Variants in TMEM182 observed in about 807,000 individuals in gnomAD.
TMEM182 encodes the protein transmembrane protein 182.
A neutral mutation model predicts 26.8 loss-of-function variants in TMEM182; 20 were observed. That is an observed-to-expected ratio of 0.75 (90% CI 0.53 to 1.09). The LOEUF (loss-of-function observed/expected upper bound fraction) is 1.09, where lower values mean the gene tolerates loss of function less well. Ranked by LOEUF, TMEM182 falls within the 50% of genes least tolerant of loss-of-function variation. The pLI, the probability that TMEM182 is intolerant of heterozygous loss-of-function variation, is 0.00. For missense variants in TMEM182, 277 were observed against 275.5 expected (o/e 1.01, Z -0.04); for synonymous variants, 109 against 102.2 (o/e 1.07, Z -0.40).
chr2:102,795,496 G>A (rs1681831100), intron 3 of TMEM182, among the ~76,000 whole-genome samples: 1 of 152,146 alleles, frequency 6.6e-6, no homozygotes, highest in South Asian at 2.1e-4. Flanking sequence ...CCTTTCTTCT[G>A]TGGTGGCAGT....
At chr2:102,830,804 A>G (rs917184038) in intron 3 of TMEM182, among the ~76,000 whole-genome samples, 3 of 151,830 alleles carry the variant, frequency 2.0e-5, no homozygotes, top group African/African-American at 7.3e-5. Flanking sequence ...CTTTATAACT[A>G]TTTTTTTTCA....
intron 3 of TMEM182, among the ~76,000 whole-genome samples, chr2:102,780,723 G>A (rs774660786): frequency 2.6e-5 from 4 of 152,160 alleles, no homozygotes; most frequent in African/African-American, 4.8e-5. Context: ...GGGTGTGGAG[G>A]GGATGTGGTT....
Position 102,842,538 on chromosome 2 carries a change from G to A in TMEM182, c.326-874G>A, listed in dbSNP as rs111435611. Reference sequence around the variant, plus strand: ...CTAGATCCACAGGGTCAGAATTGTAGGGGGGCCCAGAATGGCATGGCACTA... The same window carrying A: ...CTAGATCCACAGGGTCAGAATTGTAAGGGGGCCCAGAATGGCATGGCACTA... On this transcript the variant is annotated intron_variant, in intron 3 of 3. Transcript: ENST00000486293. 9.6e-3 allele frequency among the ~76,000 whole-genome samples: 1,460 copies of A among 152,018 alleles called. 10 individuals carry two copies. The highest frequency in any genetic ancestry group is 0.016 in the Non-Finnish European group (1,054 of 67,976).
At chr2:102,781,266 G>T (rs1398137744) in intron 3 of TMEM182, among the ~76,000 whole-genome samples, 1 of 152,168 alleles carries the variant, frequency 6.6e-6, no homozygotes, top group East Asian at 1.9e-4. Context: ...AGTCATTAAT[G>T]ACTCTTTTTT....
rs1384228186 is a variant in TMEM182 at position 102,816,139 on chromosome 2, T to C, written c.*1171T>C. 2 of 985,350 alleles carry C rather than the reference T, an allele frequency of 2.0e-6. No individual in the cohort carries two copies. Among genetic ancestry groups the C allele is most frequent in the African/African-American group, 3.5e-5 (2 of 57,248 alleles). The allele number at this position is 985,350 out of a possible 1,614,324, so 61.0% of individuals were successfully genotyped here. ...TAGACATTTTGCATATCAAAGATGTTCATTTGGCACTAATGTTGATTGAAA... is the reference window on the plus strand; with the variant it reads ...TAGACATTTTGCATATCAAAGATGTCCATTTGGCACTAATGTTGATTGAAA... On this transcript the variant is annotated 3_prime_UTR_variant, in exon 5 of 5. Transcript: ENST00000412401.
In TMEM182 at chr2:102,798,185, C is replaced by T. The variant is rs188847641; in HGVS notation, c.469+185C>T. On this transcript the variant is annotated intron_variant, in intron 4 of 4. Transcript: ENST00000412401. ...TACTTCTTGAACACTAACTGTGTGT[C>T]GGACACTTTTCAGGGACTTTCCCTT... Among the ~76,000 whole-genome samples, 33 of 152,304 alleles carry T rather than the reference C, an allele frequency of 2.2e-4. No individual in the cohort carries two copies. In the Middle Eastern group the frequency reaches 0.017, roughly 78 times the overall value.
In TMEM182 at chr2:102,816,802, C is replaced by A. The variant is rs1682772422; in HGVS notation, c.*1834C>A. On this transcript the variant is annotated 3_prime_UTR_variant, in exon 5 of 5. Coordinates refer to ENST00000412401, the MANE Select transcript of TMEM182 (RefSeq NM_144632.5). Reference sequence around the variant, plus strand: ...GATTAGTTCATGTCATCTGTAAATACAATTCTTTTTTGTAGTACTTTGGAA... The same window carrying A: ...GATTAGTTCATGTCATCTGTAAATAAAATTCTTTTTTGTAGTACTTTGGAA... 1 of 985,634 alleles carries A rather than the reference C, an allele frequency of 1.0e-6. No homozygotes were observed. The highest frequency in any genetic ancestry group is 1.2e-6 in the Non-Finnish European group (1 of 829,918). The allele number at this position is 985,634 out of a possible 1,614,324, so 61.1% of individuals were successfully genotyped here.
chr2:102,755,402 G>A (rs1680001113), intron 1 of TMEM182, among the ~76,000 whole-genome samples: 1 of 152,124 alleles, frequency 6.6e-6, no homozygotes, highest in African/African-American at 2.4e-5. Flanking sequence ...GGAAGGCAGG[G>A]TGAAAGCTAG....
chr2:102,747,957 GT>G lies in TMEM182; in HGVS notation c.-82-10423del, dbSNP rs940374312. Among the ~76,000 whole-genome samples the G allele has an allele frequency of 2.6e-4, 40 of 151,260 alleles. 1 individual carries two copies. The highest frequency in any genetic ancestry group is 1.3e-3 in the South Asian group (6 of 4,774). On this transcript the variant is annotated intron_variant, in intron 1 of 5. Transcript: ENST00000409173. ...TATAAGACAGAAAGTGTGTGTGTGT[GT>G]TTTTTTTTCCTTCTTGCTCATGTAA...
chr2:102,800,483 CT>C (rs1267119835), intron 4 of TMEM182, among the ~76,000 whole-genome samples: 4 of 152,082 alleles, frequency 2.6e-5, no homozygotes, highest in African/African-American at 9.7e-5. Context: ...ATCCCATATC[CT>C]TATATCCCTT....
At chr2:102,737,415 G>A (rs1679386745) in intron 1 of TMEM182, among the ~76,000 whole-genome samples, 1 of 152,146 alleles carries the variant, frequency 6.6e-6, no homozygotes, top group Non-Finnish European at 1.5e-5. Flanking sequence ...TAAGCACGCA[G>A]TAAATAAACA....
At chr2:102,814,277 G>C (rs1014399982) in intron 4 of TMEM182, among the ~76,000 whole-genome samples, 3 of 152,096 alleles carry the variant, frequency 2.0e-5, no homozygotes, top group African/African-American at 7.2e-5. Context: ...CTGAAAATCA[G>C]CTCTGAAAAC....
intron 3 of TMEM182, among the ~76,000 whole-genome samples, chr2:102,833,134 C>T (rs1379079311): frequency 6.6e-6 from 1 of 152,148 alleles, no homozygotes; most frequent in Non-Finnish European, 1.5e-5. Context: ...GGGAGGAGCT[C>T]CCCTTTCTCA....
chr2:102,797,784 A>T, intron 3 of TMEM182, 79 bp from the exon 4 acceptor site: 1 of 1,510,878 alleles, frequency 6.6e-7, no homozygotes, highest in South Asian at 1.3e-5. Context: ...AGATGAAAGC[A>T]ACTGACTGTG....
intron 3 of TMEM182, among the ~76,000 whole-genome samples, chr2:102,774,000 CTA>C (rs1034271813): frequency 5.9e-5 from 9 of 151,990 alleles, no homozygotes; most frequent in African/African-American, 2.2e-4. Context: ...TTTTAAAAAA[CTA>C]TTTCATTTTA....
chr2:102,812,096 GAT>G (rs1231008014), intron 4 of TMEM182, among the ~76,000 whole-genome samples: 4 of 152,084 alleles, frequency 2.6e-5, no homozygotes, highest in African/African-American at 9.7e-5. Context: ...AAGTCACACT[GAT>G]ATATCCAATT....
rs1306767359 is a variant in TMEM182, at chr2:102,777,106, A to AT, written c.331+12683dup. Among the ~76,000 whole-genome samples the AT allele has an allele frequency of 7.9e-5, 12 of 151,636 alleles. No homozygotes were observed. The Middle Eastern group carries it at 0.017, about 216-fold the overall frequency. ...ATCCCAGTTTGTGGCTTTTCTTTAC[A>AT]TTTTCTTAACAGTGTCGTTCACAGA... On this transcript the variant is annotated intron_variant, in intron 3 of 4. Coordinates refer to ENST00000412401, the MANE Select transcript of TMEM182 (RefSeq NM_144632.5).
chr2:102,760,262 T>C (rs1234815361), upstream of TMEM182, among the ~76,000 whole-genome samples: 1 of 152,164 alleles, frequency 6.6e-6, no homozygotes, highest in African/African-American at 2.4e-5. Context: ...GGAAGGAGTG[T>C]GATTGATGAG....
Position 102,816,316 on chromosome 2 carries a change from A to AG in TMEM182, c.*1349dup. 1 of 985,262 alleles carries AG rather than the reference A, an allele frequency of 1.0e-6. No individual in the cohort carries two copies. The highest frequency in any genetic ancestry group is 1.2e-6 in the Non-Finnish European group (1 of 829,924). The allele number at this position is 985,262 out of a possible 1,614,324, so 61.0% of individuals were successfully genotyped here. ...AGAGGCATGGCCCACAGGCAAAAAA[A>AG]GTCACCACCCAGAAGATGCTCTGGG... On this transcript the variant is annotated 3_prime_UTR_variant, in exon 5 of 5. Transcript: ENST00000412401.
Sources: allele counts gnomAD v4.1 joint callset (sites outside exome capture counted in the v4.1 genomes callset), GRCh38; gene constraint gnomAD v4.1.1; transcripts MANE v1.5; gene names NCBI Gene and HGNC (gene_info 2026-07-23, HGNC 2026-07-21).